The following SVOPL variants were observed in gnomAD, a reference collection of about 807,000 sequenced individuals.
SVOPL encodes the protein putative transporter SVOPL.
Under a neutral mutation model 61.0 loss-of-function variants are expected in SVOPL, and 60 were observed. That is an observed-to-expected ratio of 0.98 (90% confidence interval 0.80 to 1.22). The LOEUF (loss-of-function observed/expected upper bound fraction) is 1.22. SVOPL is among the 50% of genes most tolerant of loss of function. The probability of loss-of-function intolerance (pLI) is 0.00; values close to 1 mark genes in which losing one functional copy is unlikely to be tolerated. For synonymous variants in SVOPL, 279 were observed against 250.0 expected (o/e 1.12, Z -1.09); for missense variants, 662 against 643.9 (o/e 1.03, Z -0.30).
intron 1 of SVOPL, among the ~76,000 whole-genome samples, chr7:138,688,202 G>A (rs2117135948): frequency 6.6e-6 from 1 of 152,092 alleles, no homozygotes; most frequent in African/African-American, 2.4e-5. Flanking sequence ...CAACATCATT[G>A]GTCATTCGGG....
At chr7:138,634,101 T>C (rs1381637710) in intron 9 of SVOPL, among the ~76,000 whole-genome samples, 5 of 152,240 alleles carry the variant, frequency 3.3e-5, no homozygotes, top group Non-Finnish European at 5.9e-5. Context: ...AGCTTTTCTC[T>C]GTACCTCCTG....
chr7:138,678,556 G>A, intron 2 of SVOPL, 31 bp from the exon 3 acceptor site: 1 of 1,548,718 alleles, frequency 6.5e-7, no homozygotes, highest in Non-Finnish European at 8.7e-7. Flanking sequence ...GGAAAAAATT[G>A]CTTCTGCAGG....
At chr7:138,624,048 GACCTCAAGGGATCC>G (rs1799791749) in intron 13 of SVOPL, among the ~76,000 whole-genome samples, 1 of 152,038 alleles carries the variant, frequency 6.6e-6, no homozygotes, top group Non-Finnish European at 1.5e-5. Context: ...TCAAACTCCT[GACCTCAAGGGATCC>G]ACCTGCCGCG....
chr7:138,668,413 C>T (rs188618454), intron 4 of SVOPL, among the ~76,000 whole-genome samples: 4 of 152,270 alleles, frequency 2.6e-5, no homozygotes, highest in African/African-American at 9.6e-5. Context: ...AAGGTGAACC[C>T]GCTGGGCTGT....
At chr7:138,603,413 G>A (rs1345710348) in intron 14 of SVOPL, among the ~76,000 whole-genome samples, 1 of 152,186 alleles carries the variant, frequency 6.6e-6, no homozygotes, top group Non-Finnish European at 1.5e-5. Flanking sequence ...GCCGGGTGCG[G>A]TGGCTCATGC....
Position 138,648,414 on chromosome 7 carries a change from C to T in SVOPL, c.660+598G>A, listed in dbSNP as rs1801231735. ...CTTTAGGCCAGGAGTTCAAGATCAG[C>T]CTGTCCAATGTGATGAAACCCCTTC... On this transcript the variant is annotated intron_variant, in intron 8 of 15. Transcript: ENST00000674285. Among the ~76,000 whole-genome samples, 10 of 151,750 alleles carry T rather than the reference C, an allele frequency of 6.6e-5. No homozygotes were observed. The South Asian group carries it at 2.1e-3, about 32-fold the overall frequency.
In SVOPL at chr7:138,611,275, C is replaced by T. The variant is rs149309073; in HGVS notation, c.1353+9771G>A. Reference sequence around the variant, plus strand: ...CGCCTGTAGTCCTAGCTACTCGGGACGCTGAGGCATGAGAATTGCTTGAAC... The same window carrying T: ...CGCCTGTAGTCCTAGCTACTCGGGATGCTGAGGCATGAGAATTGCTTGAAC... On this transcript the variant is annotated intron_variant, in intron 14 of 15. Coordinates refer to ENST00000674285, the MANE Select transcript of SVOPL (RefSeq NM_001139456.2). 6.9e-3 allele frequency among the ~76,000 whole-genome samples: 1,054 copies of T among 152,100 alleles called. 20 individuals are homozygous for T. Among genetic ancestry groups the T allele is most frequent in the African/African-American group, 0.024 (991 of 41,500 alleles).
At chr7:138,616,467 G>C (rs1394260282) in intron 14 of SVOPL, among the ~76,000 whole-genome samples, 25 of 151,878 alleles carry the variant, frequency 1.6e-4, no homozygotes, top group Admixed American at 1.6e-3. Flanking sequence ...CTCCCGAATA[G>C]CTGGGATTAC....
intron 5 of SVOPL, 40 bp downstream of exon 5, chr7:138,663,034 C>T: frequency 6.2e-7 from 1 of 1,613,632 alleles, no homozygotes; most frequent in Non-Finnish European, 8.5e-7. Flanking sequence ...AAAGAATACA[C>T]AAAAGACAAT....
chr7:138,655,645 T>C (rs1801691940), intron 7 of SVOPL, among the ~76,000 whole-genome samples: 1 of 56,534 alleles, frequency 1.8e-5, no homozygotes, highest in African/African-American at 4.7e-5. Flanking sequence ...TACTATTATA[T>C]ATATATTATA....
intron 6 of SVOPL, among the ~76,000 whole-genome samples, 200 bp from the exon 7 acceptor site, chr7:138,656,711 T>C (rs774105788): frequency 1.3e-5 from 2 of 152,178 alleles, no homozygotes; most frequent in Non-Finnish European, 2.9e-5. Context: ...TGGGTTTACA[T>C]CTTTACTCCC....
intron 1 of SVOPL, among the ~76,000 whole-genome samples, chr7:138,685,158 C>T (rs1051846776): frequency 6.6e-6 from 1 of 151,998 alleles, no homozygotes; most frequent in Admixed American, 6.6e-5. Context: ...TCTCCGACTC[C>T]CGACCTCAGG....
chr7:138,664,068 T>G, intron 4 of SVOPL: 3 of 346,748 alleles, frequency 8.7e-6, no homozygotes, highest in Non-Finnish European at 1.2e-5. Context: ...GTAACCCTGT[T>G]TGACAGACTG....
At chr7:138,611,814 A>G (rs1391479932) in intron 14 of SVOPL, among the ~76,000 whole-genome samples, 6 of 12,480 alleles carry the variant, frequency 4.8e-4, no homozygotes, top group East Asian at 0.25. Flanking sequence ...TCGACAACCT[A>G]CACCTCCCAG....
At chr7:138,650,744 T>A (rs376140916) in intron 7 of SVOPL, among the ~76,000 whole-genome samples, 1 of 5,190 alleles carries the variant, frequency 1.9e-4, no homozygotes, top group Non-Finnish European at 4.0e-4. Flanking sequence ...GCCCAGGAGT[T>A]CGAGGCTGCA....
Position 138,662,441 on chromosome 7 carries a change from G to A in SVOPL, c.345+633C>T, listed in dbSNP as rs570637008. ...CCCTCCCAACCTACTTGGGTGCTCT[G>A]GGGGGTTAGAGACTTTATGGACACT... On this transcript the variant is annotated intron_variant, in intron 5 of 15. Coordinates refer to ENST00000674285, the MANE Select transcript of SVOPL (RefSeq NM_001139456.2). 79 of 985,362 alleles carry A rather than the reference G, an allele frequency of 8.0e-5. No homozygotes were observed. In the African/African-American group the frequency reaches 1.4e-3, roughly 17 times the overall value. 61.0% of individuals were successfully genotyped at this position (985,362 alleles called of 1,614,324 possible).
At chr7:138,608,487 G>A (rs780019083) in intron 14 of SVOPL, among the ~76,000 whole-genome samples, 1 of 152,126 alleles carries the variant, frequency 6.6e-6, no homozygotes, top group Non-Finnish European at 1.5e-5. Flanking sequence ...TGAGACAGCC[G>A]GCTTGCCACT....
At chr7:138,689,600 T>G in intron 1 of SVOPL, 1 of 424,212 alleles carries the variant, frequency 2.4e-6, no homozygotes, top group Non-Finnish European at 4.3e-6. Flanking sequence ...TGGCTCTGCC[T>G]GTAATCCCAA....
At chr7:138,596,347 T>C in intron 15 of SVOPL, 70 bp downstream of exon 15, 1 of 1,288,284 alleles carries the variant, frequency 7.8e-7, no homozygotes. Context: ...ATGATGCCCA[T>C]ATACCAAGTT....
Sources: allele counts gnomAD v4.1 joint callset (sites outside exome capture counted in the v4.1 genomes callset), GRCh38; gene constraint gnomAD v4.1.1; transcripts MANE v1.5; gene names NCBI Gene and HGNC (gene_info 2026-07-23, HGNC 2026-07-21).